The following CSMD3 variants were observed in gnomAD, a reference collection of about 807,000 sequenced individuals.
CSMD3 encodes the protein CUB and sushi domain-containing protein 3.
In CSMD3, 177 loss-of-function variants were observed where a neutral mutation model predicts 435.2. The ratio of observed to expected loss-of-function variants is 0.41; its 90% CI spans 0.36 to 0.46. The LOEUF (loss-of-function observed/expected upper bound fraction) is 0.46. CSMD3 is among the 20% of genes least tolerant of loss of function. The pLI is 0.34. For missense variants in CSMD3, 4,265 were observed against 4,504.6 expected, an observed-to-expected ratio of 0.95 and a Z score of 1.52; for synonymous variants, 1,656 against 1,520.5, an observed-to-expected ratio of 1.09 and a Z score of -2.07.
At chr8:112,566,731 T>C (rs1829092119) in intron 24 of CSMD3, among the ~76,000 whole-genome samples, 1 of 152,066 alleles carries the variant, frequency 6.6e-6, no homozygotes, top group Non-Finnish European at 1.5e-5. Context: ...CTTCTTCTCT[T>C]CTCTTTGCCA....
chr8:113,004,694 G>A (rs2085991934), intron 6 of CSMD3, among the ~76,000 whole-genome samples: 1 of 151,800 alleles, frequency 6.6e-6, no homozygotes, highest in Non-Finnish European at 1.5e-5. Context: ...AAAAATTGAA[G>A]TCTGTGAAAG....
At chr8:112,541,277 A>G (rs1826635387) in intron 27 of CSMD3, among the ~76,000 whole-genome samples, 2 of 151,880 alleles carry the variant, frequency 1.3e-5, no homozygotes, top group South Asian at 4.1e-4. Flanking sequence ...ATAAGATTAA[A>G]GAAAATATAA....
chr8:112,652,926 C>T (rs535040494), intron 18 of CSMD3, among the ~76,000 whole-genome samples: 2 of 152,256 alleles, frequency 1.3e-5, no homozygotes, highest in Admixed American at 6.5e-5. Context: ...AATCAATTCT[C>T]CTGCCTCAGC....
intron 5 of CSMD3, among the ~76,000 whole-genome samples, chr8:113,034,955 C>A (rs1014247565): frequency 6.6e-6 from 1 of 151,970 alleles, no homozygotes; most frequent in Non-Finnish European, 1.5e-5. Flanking sequence ...GACAAGTCTA[C>A]AACTACAGTT....
At chr8:112,470,557 A>T (rs1427133652) in intron 32 of CSMD3, among the ~76,000 whole-genome samples, 1 of 152,132 alleles carries the variant, frequency 6.6e-6, no homozygotes, top group African/African-American at 2.4e-5. Context: ...GAACCCAGAA[A>T]TCTGACTTGA....
intron 1 of CSMD3, among the ~76,000 whole-genome samples, chr8:113,386,996 C>T (rs1054486876): frequency 2.0e-5 from 3 of 151,716 alleles, no homozygotes; most frequent in Non-Finnish European, 3.0e-5. Context: ...AAAACTAAAC[C>T]TGGGAAAATG....
At chr8:112,911,041 G>A (rs1235826080) in intron 10 of CSMD3, among the ~76,000 whole-genome samples, 1 of 151,676 alleles carries the variant, frequency 6.6e-6, no homozygotes, top group African/African-American at 2.4e-5. Flanking sequence ...TCTTTCACAG[G>A]CTCAACTTCA....
intron 1 of CSMD3, among the ~76,000 whole-genome samples, chr8:113,372,019 T>C (rs929319456): frequency 6.6e-6 from 1 of 152,116 alleles, no homozygotes; most frequent in Non-Finnish European, 1.5e-5. Flanking sequence ...AGCCTACAGT[T>C]CCACACTAGT....
At position 113,349,959 on chromosome 8, in the gene CSMD3, T is replaced by C. The variant is rs879485353; in HGVS notation, c.179-35166A>G. ...AGCAAGTCTGTGTCCATTCTGGGTC[T>C]ACCTCTTGAGAAGCCTGGCAGTTTC... On this transcript the variant is annotated intron_variant, in intron 1 of 70. Coordinates refer to ENST00000297405, the MANE Select transcript of CSMD3 (RefSeq NM_198123.2). Among the ~76,000 whole-genome samples, 8 of 152,076 alleles carry C rather than the reference T, an allele frequency of 5.3e-5. 1 individual carries two copies. Among genetic ancestry groups the C allele is most frequent in the Admixed American group, 5.3e-4 (8 of 15,234 alleles).
At position 112,688,725 on chromosome 8, in the gene CSMD3, G is replaced by A. The variant is rs184365994; in HGVS notation, c.2155+1143C>T. On this transcript the variant is annotated intron_variant, in intron 14 of 70. Coordinates refer to ENST00000297405, the MANE Select transcript of CSMD3 (RefSeq NM_198123.2). The stretch of plus-strand genomic sequence containing the variant: ...ATGTATTTCCAAGTTAGTTATTACT[G>A]GTATATAAAACATTATTAATCGCTA... Among the ~76,000 whole-genome samples the A allele has an allele frequency of 7.4e-3, 1,126 of 151,898 alleles. 12 individuals carry two copies. The highest frequency in any genetic ancestry group is 0.025 in the African/African-American group (1,036 of 41,460).
At chr8:112,616,687 C>T (rs994955849) in intron 22 of CSMD3, among the ~76,000 whole-genome samples, 1 of 151,992 alleles carries the variant, frequency 6.6e-6, no homozygotes, top group Non-Finnish European at 1.5e-5. Context: ...ATGTCAGTTC[C>T]CTGAATTCTT....
chr8:113,228,783 T>C (rs571630651), intron 3 of CSMD3, among the ~76,000 whole-genome samples: 1 of 151,692 alleles, frequency 6.6e-6, no homozygotes, highest in African/African-American at 2.4e-5. Flanking sequence ...GATGTCATTT[T>C]GGAAAAACTA....
chr8:112,441,094 T>G (rs1231197634), intron 32 of CSMD3, among the ~76,000 whole-genome samples: 1 of 152,166 alleles, frequency 6.6e-6, no homozygotes, highest in African/African-American at 2.4e-5. Context: ...ACTCTTATGC[T>G]CTGCTTCCCC....
chr8:112,425,370 CAA>C (rs1219334706), intron 32 of CSMD3, among the ~76,000 whole-genome samples: 1 of 152,108 alleles, frequency 6.6e-6, no homozygotes, highest in African/African-American at 2.4e-5. Flanking sequence ...TTCAGCAACT[CAA>C]AGTCAGTGGA....
chr8:113,165,881 T>C (rs533182309), intron 4 of CSMD3, among the ~76,000 whole-genome samples: 1 of 151,984 alleles, frequency 6.6e-6, no homozygotes, highest in Admixed American at 6.6e-5. Flanking sequence ...ATGGGGAACA[T>C]AATGTAAGTC....
intron 3 of CSMD3, among the ~76,000 whole-genome samples, chr8:113,205,130 C>G (rs1406542171): frequency 2.6e-5 from 4 of 151,960 alleles, no homozygotes; most frequent in African/African-American, 7.3e-5. Context: ...ATTACATACA[C>G]CCGTCACCCT....
At chr8:112,344,985 C>T (rs1825524405) in intron 41 of CSMD3, among the ~76,000 whole-genome samples, 1 of 152,022 alleles carries the variant, frequency 6.6e-6, no homozygotes, top group African/African-American at 2.4e-5. Flanking sequence ...AAAAACAATG[C>T]ACATAAAATT....
At chr8:112,849,812 C>T (rs186515740) in intron 11 of CSMD3, among the ~76,000 whole-genome samples, 60 of 151,904 alleles carry the variant, frequency 3.9e-4, no homozygotes, top group African/African-American at 1.4e-3. Context: ...TGGGGTAGGA[C>T]ACAGAAGCAA....
At chr8:112,868,044 T>C (rs1199669076) in intron 10 of CSMD3, among the ~76,000 whole-genome samples, 2 of 152,140 alleles carry the variant, frequency 1.3e-5, no homozygotes, top group East Asian at 1.9e-4. Context: ...GCTTATTCTA[T>C]ATGCTTTTTT....
Sources: allele counts gnomAD v4.1 joint callset (sites outside exome capture counted in the v4.1 genomes callset), GRCh38; gene constraint gnomAD v4.1.1; transcripts MANE v1.5; gene names NCBI Gene and HGNC (gene_info 2026-07-23, HGNC 2026-07-21).